SHROOM3: variants seen among roughly 807,000 people sequenced by gnomAD.
The protein encoded by SHROOM3 is protein Shroom3.
A neutral mutation model predicts 138.6 loss-of-function variants in SHROOM3; 47 were observed. The observed-to-expected ratio is 0.34, with a 90% CI of 0.27 to 0.43. The LOEUF is 0.43. Ranked by LOEUF, SHROOM3 falls within the 20% of genes least tolerant of loss-of-function variation. The pLI is 1.00. For synonymous variants in SHROOM3, 1,062 were observed against 1,063.3 expected, an observed-to-expected ratio of 1.00 and a Z score of 0.02; for missense variants, 2,491 against 2,596.5, an observed-to-expected ratio of 0.96 and a Z score of 0.88.
chr4:76,678,979 A>G (rs923717264), intron 2 of SHROOM3, among the ~76,000 whole-genome samples: 1 of 152,180 alleles, frequency 6.6e-6, no homozygotes, highest in Non-Finnish European at 1.5e-5. Flanking sequence ...TTTTTTTAAA[A>G]GTAATTTTAG....
At chr4:76,540,303 T>A (rs895130541) in intron 1 of SHROOM3, among the ~76,000 whole-genome samples, 1 of 152,202 alleles carries the variant, frequency 6.6e-6, no homozygotes, top group African/African-American at 2.4e-5. Context: ...CCTTGAGAAT[T>A]CTTTTGCTGA....
intron 1 of SHROOM3, among the ~76,000 whole-genome samples, chr4:76,487,307 T>C (rs1417830929): frequency 6.6e-6 from 1 of 152,258 alleles, no homozygotes; most frequent in Non-Finnish European, 1.5e-5. Context: ...TATATTCCAC[T>C]GTATGGCTAT....
At chr4:76,485,682 T>C (rs116494794) in intron 1 of SHROOM3, among the ~76,000 whole-genome samples, 182 of 152,286 alleles carry the variant, frequency 1.2e-3, no homozygotes, top group African/African-American at 4.3e-3. Flanking sequence ...CTAAAGAGGC[T>C]TTATGTATCG....
At position 76,739,342 on chromosome 4, in the gene SHROOM3, A is replaced by G. The variant is rs1262345747; in HGVS notation, c.1169A>G (p.Asp390Gly). The change falls in exon 5 of 11, where the codon GAC becomes GGC. Residue 390 changes from aspartate (D) to glycine (G), a missense_variant. Asp to Gly is a moderately conservative substitution (Grantham distance 94). Around this residue, in one of 4 missense-constraint regions of SHROOM3, gnomAD observed 1,733 missense variants for 1,661.6 expected, o/e 1.04. Transcript: ENST00000296043. ...GCACCCCTGCCTCCAGCTCGGAGTG[A>G]CAGTTACGCAGCATTTCGGCACCGT... ...VGAPLPPARS[D>G]SYAAFRHRER... The G allele has an allele frequency of 6.2e-7, 1 of 1,613,918 alleles. No individual in the cohort carries two copies. The highest frequency in any genetic ancestry group is 8.5e-7 in the Non-Finnish European group (1 of 1,179,966).
intron 2 of SHROOM3, among the ~76,000 whole-genome samples, chr4:76,652,334 A>G (rs1037480579): frequency 2.6e-5 from 4 of 152,194 alleles, no homozygotes; most frequent in Non-Finnish European, 5.9e-5. Context: ...AATTTGCCTC[A>G]AGGTTCAGAC....
chr4:76,463,359 G>T (rs1041028251), intron 1 of SHROOM3, among the ~76,000 whole-genome samples: 1 of 152,192 alleles, frequency 6.6e-6, no homozygotes, highest in Non-Finnish European at 1.5e-5. Flanking sequence ...TTCAGGAAGT[G>T]GCCTGGCTGC....
chr4:76,526,794 A>G (rs1350371819), intron 1 of SHROOM3, among the ~76,000 whole-genome samples: 1 of 152,192 alleles, frequency 6.6e-6, no homozygotes, highest in Non-Finnish European at 1.5e-5. Flanking sequence ...GAGAGCCTGG[A>G]TGAGTGAAAT....
chr4:76,746,850 T>C (rs1419609060), intron 5 of SHROOM3, among the ~76,000 whole-genome samples: 1 of 150,590 alleles, frequency 6.6e-6, no homozygotes, highest in Non-Finnish European at 1.5e-5. Flanking sequence ...GGAGTCTCGC[T>C]CAGTCACCCA....
At chr4:76,726,675 G>A (rs888952867) in intron 3 of SHROOM3, among the ~76,000 whole-genome samples, 2 of 151,760 alleles carry the variant, frequency 1.3e-5, no homozygotes, top group Non-Finnish European at 2.9e-5. Flanking sequence ...TCTGAGTAGT[G>A]GGGACTACAG....
At chr4:76,626,360 G>A (rs1735144267) in intron 2 of SHROOM3, among the ~76,000 whole-genome samples, 1 of 152,156 alleles carries the variant, frequency 6.6e-6, no homozygotes, top group Non-Finnish European at 1.5e-5. Flanking sequence ...GACAAGTTGA[G>A]TTTCACAAAT....
At chr4:76,547,877 C>T (rs962819234) in intron 1 of SHROOM3, among the ~76,000 whole-genome samples, 3 of 151,432 alleles carry the variant, frequency 2.0e-5, no homozygotes. Context: ...TTGCAGTGAG[C>T]CGAGATTGCA....
At chr4:76,689,558 T>C (rs1719449097) in intron 2 of SHROOM3, 1 of 984,358 alleles carries the variant, frequency 1.0e-6, no homozygotes, top group Non-Finnish European at 1.2e-6. Flanking sequence ...CGCAGGGCGC[T>C]GCTGGGCCGC....
chr4:76,779,050 G>A lies in SHROOM3; in HGVS notation c.5864G>A (p.Ser1955Asn). 1 of 1,614,208 alleles carries A rather than the reference G, an allele frequency of 6.2e-7. No individual in the cohort carries two copies. The highest frequency in any genetic ancestry group is 8.5e-7 in the Non-Finnish European group (1 of 1,180,028). Residue 1955 changes from serine (S) to asparagine (N), a missense_variant, in exon 11 of 11, where the codon AGC (serine) becomes AAC (asparagine). By Grantham distance (46) the Ser-to-Asn change is conservative (BLOSUM62 1). Coordinates refer to ENST00000296043, the MANE Select transcript of SHROOM3 (RefSeq NM_020859.4). ...GQEQVKCLLE[S>N]LPSDFIPKAG... is the part of the protein sequence containing the mutation. ...GAGCAGGTCAAGTGTCTGCTGGAGA[G>A]CCTGCCCTCAGATTTCATTCCCAAG...
chr4:76,686,235 G>T (rs372531821), intron 2 of SHROOM3, among the ~76,000 whole-genome samples: 13 of 152,024 alleles, frequency 8.6e-5, no homozygotes, highest in African/African-American at 2.7e-4. Flanking sequence ...GCCCAGACTG[G>T]TCTTGAGCAA....
At chr4:76,735,966 G>A (rs185537210) in intron 4 of SHROOM3, among the ~76,000 whole-genome samples, 56 of 140,412 alleles carry the variant, frequency 4.0e-4, no homozygotes, top group Middle Eastern at 3.8e-3. Flanking sequence ...TATTTACTTT[G>A]ATTTGTTGTG....
intron 2 of SHROOM3, among the ~76,000 whole-genome samples, chr4:76,629,831 A>T (rs1218802847): frequency 6.6e-6 from 1 of 152,226 alleles, no homozygotes; most frequent in Non-Finnish European, 1.5e-5. Flanking sequence ...TAAATTGTGT[A>T]TAGCTACTAA....
chr4:76,521,796 C>T (rs1243015429), intron 1 of SHROOM3, among the ~76,000 whole-genome samples: 2 of 152,148 alleles, frequency 1.3e-5, no homozygotes, highest in Non-Finnish European at 2.9e-5. Flanking sequence ...TAAATGTTCA[C>T]AGGCCCATTA....
intron 1 of SHROOM3, among the ~76,000 whole-genome samples, chr4:76,448,173 T>C (rs2109968016): frequency 6.6e-6 from 1 of 152,316 alleles, no homozygotes; most frequent in African/African-American, 2.4e-5. Context: ...TTTTTATATA[T>C]GAGGAAAGAG....
At chr4:76,470,047 A>C (rs565048989) in intron 1 of SHROOM3, among the ~76,000 whole-genome samples, 1 of 152,328 alleles carries the variant, frequency 6.6e-6, no homozygotes, top group Admixed American at 6.5e-5. Flanking sequence ...CTAACTCTTA[A>C]GTACTTAATA....
Sources: gnomAD v4.1 joint callset for allele counts (sites outside exome capture counted in the v4.1 genomes callset) on GRCh38, gnomAD v4.1.1 for gene constraint, gnomAD v4.1.1 regional missense constraint, MANE v1.5 for transcripts, NCBI Gene and HGNC (gene_info 2026-07-23, HGNC 2026-07-21) for gene names.